ZNF721: variants seen among roughly 807,000 people sequenced by gnomAD.
ZNF721 encodes the protein zinc finger protein 721.
A neutral mutation model predicts 2.4 loss-of-function variants in ZNF721; 2 were observed. The ratio of observed to expected loss-of-function variants is 0.82; its 90% CI spans 0.34 to 2.58. The LOEUF is 2.58. Among genes scored for constraint, ZNF721 ranks in the 30% most tolerant of loss-of-function variants. The probability of loss-of-function intolerance (pLI) is 0.11; values close to 1 mark genes in which losing one functional copy is unlikely to be tolerated. For missense variants in ZNF721, 1,187 were observed against 1,085.5 expected (o/e 1.09, Z -1.31); for synonymous variants, 398 against 381.8 (o/e 1.04, Z -0.50).
intron 1 of ZNF721, among the ~76,000 whole-genome samples, chr4:491,350 G>T (rs368880479): frequency 6.6e-6 from 1 of 152,058 alleles, no homozygotes; most frequent in Non-Finnish European, 1.5e-5. Flanking sequence ...TCCAGGAGGC[G>T]GAGGTTGCAG....
At chr4:482,130 T>G (rs1454623782) in intron 1 of ZNF721, among the ~76,000 whole-genome samples, 3 of 152,232 alleles carry the variant, frequency 2.0e-5, no homozygotes, top group African/African-American at 7.2e-5. Flanking sequence ...GGTCGCATAT[T>G]GCACATGCAT....
chr4:445,623 T>C (rs946234979), intron 2 of ZNF721, among the ~76,000 whole-genome samples: 8 of 151,960 alleles, frequency 5.3e-5, no homozygotes, highest in Non-Finnish European at 1.0e-4. Context: ...AAAACACATA[T>C]AACTAAATGT....
chr4:477,339 GCC>G lies in ZNF721; in HGVS notation c.-93-4640_-93-4639del, dbSNP rs1715656926. ...TGCAAGCTCCGCCTCCTGGGTTCAT[GCC>G]ATTCTCCTGCCTCAGCCTCCCAAGT... is the stretch of plus-strand genomic sequence containing the variant. On this transcript the variant is annotated intron_variant, in intron 1 of 2. Transcript: ENST00000511833. Among the ~76,000 whole-genome samples, 8 of 136,378 alleles carry G rather than the reference GCC, an allele frequency of 5.9e-5. No homozygotes were observed. The Admixed American group carries it at 5.9e-4, about 10-fold the overall frequency. 89.5% of individuals were successfully genotyped at this position (136,378 alleles called of 152,430 possible).
intron 2 of ZNF721, among the ~76,000 whole-genome samples, chr4:450,984 T>TGG (rs1714643013): frequency 9.2e-6 from 1 of 108,780 alleles, no homozygotes; most frequent in Non-Finnish European, 1.9e-5. Context: ...TATATATATA[T>TGG]ATATATATAT....
At chr4:472,173 C>T (rs529034444) in intron 2 of ZNF721, among the ~76,000 whole-genome samples, 2 of 152,268 alleles carry the variant, frequency 1.3e-5, no homozygotes, top group South Asian at 2.1e-4. Flanking sequence ...AGTGATTCTC[C>T]GCCTAAGCCT....
At chr4:452,553 T>C (rs1402571430) in intron 2 of ZNF721, among the ~76,000 whole-genome samples, 1 of 152,150 alleles carries the variant, frequency 6.6e-6, no homozygotes, top group South Asian at 2.1e-4. Flanking sequence ...TTCAACAAGC[T>C]GAACAAGCGG....
At position 444,350 on chromosome 4, in the gene ZNF721, A is replaced by G. The variant is rs369769038; in HGVS notation, c.117T>C (p.Tyr39=). The G allele has an allele frequency of 2.5e-5, 41 of 1,613,936 alleles. No homozygotes were observed. Among genetic ancestry groups the G allele is most frequent in the African/African-American group, 6.7e-5 (5 of 74,936 alleles). Reference sequence around the variant, plus strand: ...GTAAATTATCATGCCCACATTTCTCATATCTTCTCAGTATAAGTTTGTGGA... The same window carrying G: ...GTAAATTATCATGCCCACATTTCTCGTATCTTCTCAGTATAAGTTTGTGGA... ...DSFHKLILRR[Y]EKCGHDNLQL... Residue 39 remains tyrosine (Y), a synonymous_variant, in exon 3 of 3, where the codon TAT becomes TAC. Transcript: ENST00000511833.
intron 2 of ZNF721, among the ~76,000 whole-genome samples, chr4:456,882 AAATT>A (rs1464294345): frequency 6.6e-5 from 10 of 152,128 alleles, no homozygotes; most frequent in Admixed American, 5.2e-4. Flanking sequence ...CATAATTAAT[AAATT>A]AATAAATTAA....
At chr4:471,581 A>C (rs1373929175) in intron 2 of ZNF721, among the ~76,000 whole-genome samples, 1 of 152,176 alleles carries the variant, frequency 6.6e-6, no homozygotes, top group Non-Finnish European at 1.5e-5. Context: ...CAAAGAGTAT[A>C]AATTTTTAGT....
intron 1 of ZNF721, among the ~76,000 whole-genome samples, chr4:481,008 A>G (rs1166511664): frequency 6.6e-6 from 1 of 152,112 alleles, no homozygotes; most frequent in Admixed American, 6.6e-5. Context: ...TGCAGCCTTG[A>G]CATCCTGGGC....
chr4:455,310 G>A lies in ZNF721; in HGVS notation c.35-10878C>T, dbSNP rs1025480590. ...AGGCCAGTTGTCCTGGCTCACACCT[G>A]TAATCCTAGCACTTTGGGAGGCCGA... On this transcript the variant is annotated intron_variant, in intron 2 of 2. Transcript: ENST00000511833. Among the ~76,000 whole-genome samples, 4 of 152,272 alleles carry A rather than the reference G, an allele frequency of 2.6e-5. No individual in the cohort carries two copies. In the South Asian group the frequency reaches 6.2e-4, roughly 24 times the overall value.
chr4:441,957 T>A lies in ZNF721; in HGVS notation c.2510A>T (p.Tyr837Phe). The A allele has an allele frequency of 1.2e-6, 2 of 1,614,096 alleles. No homozygotes were observed. Among genetic ancestry groups the A allele is most frequent in the Non-Finnish European group, 1.7e-6 (2 of 1,179,990 alleles). ...GGCTTTGCCACATTCTTCACATGTG[T>A]AGGGTTTCTCTCCAGTATGAATTCT... ...HRRIHTGEKP[Y>F]TCEECGKAFR... Residue 837 changes from tyrosine to phenylalanine, a missense_variant, in exon 3 of 3, where the codon TAC becomes TTC. Coordinates refer to ENST00000511833, the MANE Select transcript of ZNF721 (RefSeq NM_133474.4).
intron 2 of ZNF721, among the ~76,000 whole-genome samples, chr4:463,537 A>G (rs1553866356): frequency 6.6e-6 from 1 of 152,236 alleles, no homozygotes; most frequent in Non-Finnish European, 1.5e-5. Flanking sequence ...CTGGATAAAG[A>G]AAATGTGGCA....
intron 2 of ZNF721, among the ~76,000 whole-genome samples, chr4:462,946 T>C (rs991534440): frequency 3.9e-5 from 6 of 152,136 alleles, no homozygotes; most frequent in Non-Finnish European, 8.8e-5. Context: ...CAAAAGAAGT[T>C]ATCATCAGAG....
chr4:458,848 GA>G (rs57797921), intron 2 of ZNF721, among the ~76,000 whole-genome samples: 2 of 146,192 alleles, frequency 1.4e-5, no homozygotes, highest in African/African-American at 2.5e-5. Flanking sequence ...TCCGTCTAAA[GA>G]AAAAAAAAAC....
intron 1 of ZNF721, among the ~76,000 whole-genome samples, chr4:475,547 T>C (rs1384599435): frequency 1.3e-5 from 2 of 152,198 alleles, no homozygotes; most frequent in Non-Finnish European, 2.9e-5. Flanking sequence ...TCATTACTCA[T>C]ACTTCTGGCT....
At chr4:493,645 C>T (rs1379967347) in intron 1 of ZNF721, among the ~76,000 whole-genome samples, 1 of 149,126 alleles carries the variant, frequency 6.7e-6, no homozygotes, top group Non-Finnish European at 1.5e-5. Flanking sequence ...TGCCATTGCA[C>T]TCCAGTCTGG....
chr4:486,447 G>A lies in ZNF721; in HGVS notation c.-94+12609C>T, dbSNP rs1479793516. Among the ~76,000 whole-genome samples the A allele has an allele frequency of 3.9e-5, 6 of 152,110 alleles. No individual in the cohort carries two copies. The East Asian group carries it at 5.8e-4, about 15-fold the overall frequency. Reference sequence around the variant, plus strand: ...GCTGGGATTACAGGCATGAGCCACCGCGCCCGGCCTTAGTTGTGTGTGATT... The same window carrying A: ...GCTGGGATTACAGGCATGAGCCACCACGCCCGGCCTTAGTTGTGTGTGATT... On this transcript the variant is annotated intron_variant, in intron 1 of 2. Transcript: ENST00000511833.
intron 2 of ZNF721, among the ~76,000 whole-genome samples, chr4:455,706 G>A (rs1467345613): frequency 1.3e-5 from 2 of 151,930 alleles, no homozygotes; most frequent in Non-Finnish European, 2.9e-5. Context: ...TAAGTAAAAT[G>A]GTGTTCTTCA....
Sources: gnomAD v4.1 joint callset for allele counts (sites outside exome capture counted in the v4.1 genomes callset) on GRCh38, gnomAD v4.1.1 for gene constraint, MANE v1.5 for transcripts, NCBI Gene and HGNC (gene_info 2026-07-23, HGNC 2026-07-21) for gene names.